Variants in MPPED2 observed in about 807,000 individuals in gnomAD.
MPPED2 encodes the protein metallophosphoesterase domain containing 2.
Under a neutral mutation model 33.0 loss-of-function variants are expected in MPPED2, and 5 were observed. That is an observed-to-expected ratio of 0.15 (90% CI 0.08 to 0.32). The LOEUF (loss-of-function observed/expected upper bound fraction) is 0.32. Among genes scored for constraint, MPPED2 ranks in the 10% least tolerant of loss-of-function variants. MPPED2 has a pLI of 1.00. For synonymous variants in MPPED2, 136 were observed against 141.9 expected (o/e 0.96, Z 0.29); for missense variants, 275 against 372.1 (o/e 0.74, Z 2.15).
rs777894705 is a variant in MPPED2, at chr11:30,580,291, T to C, written c.83A>G (p.His28Arg). 2.5e-6 allele frequency: 4 copies of C among 1,614,062 alleles called. No individual in the cohort carries two copies. In the African/African-American group the frequency reaches 4.0e-5, roughly 16 times the overall value. Reference sequence around the variant, plus strand: ...GAATCTGCTCTGGTTGATGTTGTAGTGCGTGAATGCCTGGGTGGGGTTTGA... The same window carrying C: ...GAATCTGCTCTGGTTGATGTTGTAGCGCGTGAATGCCTGGGTGGGGTTTGA... ...YSSNPTQAFTHYNINQSRFQP... is the reference protein window; with the variant it reads ...YSSNPTQAFTRYNINQSRFQP... The change falls in exon 2 of 7, where the codon CAC becomes CGC. Residue 28 changes from histidine (H) to arginine (R), a missense_variant. Coordinates refer to ENST00000358117, the MANE Select transcript of MPPED2 (RefSeq NM_001584.3).
rs569649395 is a variant in MPPED2, at chr11:30,543,943, TTTTC to T, written c.129-7772_129-7769del. On this transcript the variant is annotated intron_variant, in intron 2 of 6. Coordinates refer to ENST00000358117, the MANE Select transcript of MPPED2 (RefSeq NM_001584.3). ...TTCACATTTGTACCACAGGCACTGCTTTTCTTTAACTGCTGAACTGCTGTATCAA... is the reference window on the plus strand; with the variant it reads ...TTCACATTTGTACCACAGGCACTGCTTTTAACTGCTGAACTGCTGTATCAA... 2.0e-3 allele frequency among the ~76,000 whole-genome samples: 304 copies of T among 152,226 alleles called. 1 individual carries two copies. Among genetic ancestry groups the T allele is most frequent in the Admixed American group, 5.8e-3 (88 of 15,288 alleles).
intron 2 of MPPED2, among the ~76,000 whole-genome samples, chr11:30,568,877 C>T (rs1333987405): frequency 6.6e-6 from 1 of 152,096 alleles, no homozygotes; most frequent in Non-Finnish European, 1.5e-5. Context: ...TCTGAAAAAC[C>T]AGGGCACTTG....
At chr11:30,548,557 G>A (rs1396532260) in intron 2 of MPPED2, among the ~76,000 whole-genome samples, 1 of 152,114 alleles carries the variant, frequency 6.6e-6, no homozygotes, top group African/African-American at 2.4e-5. Context: ...AGTGCATATC[G>A]AATGCTCAGT....
At chr11:30,431,248 A>G (rs141103452) in intron 4 of MPPED2, among the ~76,000 whole-genome samples, 1 of 152,338 alleles carries the variant, frequency 6.6e-6, no homozygotes, top group African/African-American at 2.4e-5. Flanking sequence ...CCTCTGGCAC[A>G]CAGCGTGTGT....
chr11:30,391,959 C>T (rs1947783493), intron 6 of MPPED2, among the ~76,000 whole-genome samples: 1 of 152,074 alleles, frequency 6.6e-6, no homozygotes, highest in Non-Finnish European at 1.5e-5. Flanking sequence ...GAGCAAATTA[C>T]CTCTCTAAGC....
chr11:30,492,508 G>C (rs1264669959), intron 4 of MPPED2, among the ~76,000 whole-genome samples: 1 of 152,048 alleles, frequency 6.6e-6, no homozygotes, highest in Admixed American at 6.5e-5. Context: ...CTGCCAATCA[G>C]AGGTCATTCC....
rs144240116 is a variant in MPPED2, at chr11:30,430,172, A to G, written c.537-12539T>C. ...TTAGGAAAGGGCAAGGCAAATTAAG[A>G]TTGGGCTTTTAAAAAGCAAAGGTCA... On this transcript the variant is annotated intron_variant, in intron 4 of 6. Coordinates refer to ENST00000358117, the MANE Select transcript of MPPED2 (RefSeq NM_001584.3). Among the ~76,000 whole-genome samples the G allele has an allele frequency of 4.4e-3, 675 of 152,286 alleles. 5 individuals are homozygous for G. The highest frequency in any genetic ancestry group is 0.015 in the African/African-American group (634 of 41,564).
In MPPED2 at chr11:30,586,104, T is replaced by C. The variant is rs1957458874; in HGVS notation, c.-184A>G. On this transcript the variant is annotated 5_prime_UTR_variant, in exon 1 of 7. It removes an upstream start codon present in the reference 5' UTR. Transcript: ENST00000358117. The surrounding 1 kb of genome is among the most constrained non-coding windows in gnomAD (Gnocchi z 4.8). ...CAGCGCCCGGCGAGCAGGCGATCCA[T>C]AGCCGAGCGGCCCGAGCCGGCTGGA... 1 of 152,164 alleles carries C rather than the reference T, an allele frequency of 6.6e-6. No homozygotes were observed. The highest frequency in any genetic ancestry group is 2.1e-4 in the South Asian group (1 of 4,830). The allele number at this position is 152,164 out of a possible 1,614,324, so 9.4% of individuals were successfully genotyped here.
At chr11:30,485,151 G>A (rs1951662833) in intron 4 of MPPED2, among the ~76,000 whole-genome samples, 1 of 152,138 alleles carries the variant, frequency 6.6e-6, no homozygotes, top group Non-Finnish European at 1.5e-5. Context: ...AAAGGCTTTG[G>A]AAGCAAACCG....
Position 30,457,382 on chromosome 11 carries a change from CAAA to C in MPPED2, c.536+37911_536+37913del, listed in dbSNP as rs146074145. Among the ~76,000 whole-genome samples the C allele has an allele frequency of 8.0e-3, 1,037 of 129,538 alleles. 9 individuals carry two copies. Among genetic ancestry groups the C allele is most frequent in the African/African-American group, 0.027 (966 of 35,942 alleles). The allele number at this position is 129,538 out of a possible 152,430, so 85.0% of individuals were successfully genotyped here. Reference sequence around the variant, plus strand: ...CTGGCATTTTGACTTCCTAATTTTCCAAAAAAAAAAAAAAAACAGTTCCTTCTT... The same window carrying C: ...CTGGCATTTTGACTTCCTAATTTTCCAAAAAAAAAAAAACAGTTCCTTCTT... On this transcript the variant is annotated intron_variant, in intron 4 of 6. Coordinates refer to ENST00000358117, the MANE Select transcript of MPPED2 (RefSeq NM_001584.3).
At chr11:30,502,104 A>C (rs1442733726) in intron 3 of MPPED2, among the ~76,000 whole-genome samples, 1 of 152,212 alleles carries the variant, frequency 6.6e-6, no homozygotes, top group Non-Finnish European at 1.5e-5. Context: ...TGATTCATGC[A>C]ATTCCATTTT....
intron 2 of MPPED2, among the ~76,000 whole-genome samples, chr11:30,548,727 C>A (rs1426297137): frequency 6.6e-6 from 1 of 152,052 alleles, no homozygotes; most frequent in East Asian, 1.9e-4. Flanking sequence ...TGTCATTAGA[C>A]ATAAAAGAAA....
chr11:30,574,342 C>T (rs1956829616), intron 2 of MPPED2, among the ~76,000 whole-genome samples: 1 of 152,042 alleles, frequency 6.6e-6, no homozygotes, highest in South Asian at 2.1e-4. Context: ...CAGTAGGATG[C>T]TATATAGGTT....
intron 2 of MPPED2, among the ~76,000 whole-genome samples, chr11:30,548,452 T>G (rs1282150214): frequency 1.3e-5 from 2 of 152,156 alleles, no homozygotes; most frequent in African/African-American, 4.8e-5. Flanking sequence ...ATTCTTGGCC[T>G]CAAGTGATTC....
At chr11:30,507,555 C>T (rs1952903908) in intron 3 of MPPED2, among the ~76,000 whole-genome samples, 1 of 152,150 alleles carries the variant, frequency 6.6e-6, no homozygotes, top group South Asian at 2.1e-4. Flanking sequence ...ACAATATTTA[C>T]AAAGAAACCC....
At chr11:30,454,153 G>A (rs1233438915) in intron 4 of MPPED2, among the ~76,000 whole-genome samples, 2 of 152,140 alleles carry the variant, frequency 1.3e-5, no homozygotes, top group East Asian at 1.9e-4. Flanking sequence ...AAAGGAATCT[G>A]CACCTTAATC....
intron 4 of MPPED2, among the ~76,000 whole-genome samples, chr11:30,466,616 T>G (rs1313560151): frequency 6.6e-6 from 1 of 152,170 alleles, no homozygotes; most frequent in Non-Finnish European, 1.5e-5. Flanking sequence ...GAGCAAAGGA[T>G]CAGGGTAGCC....
intron 2 of MPPED2, among the ~76,000 whole-genome samples, chr11:30,550,926 A>C (rs555890306): frequency 6.6e-6 from 1 of 152,342 alleles, no homozygotes; most frequent in African/African-American, 2.4e-5. Flanking sequence ...ACCCAAAGAA[A>C]GTTAACTACT....
intron 2 of MPPED2, among the ~76,000 whole-genome samples, chr11:30,547,619 C>A (rs1040275745): frequency 6.6e-6 from 1 of 152,112 alleles, no homozygotes; most frequent in African/African-American, 2.4e-5. Context: ...AAAAGCAATG[C>A]AAATAATTTT....
Sources: allele counts gnomAD v4.1 joint callset (sites outside exome capture counted in the v4.1 genomes callset), GRCh38; gene constraint gnomAD v4.1.1; non-coding constraint Gnocchi (gnomAD v3.1); transcripts MANE v1.5; gene names NCBI Gene and HGNC (gene_info 2026-07-23, HGNC 2026-07-21).